The following ZNF33A variants were observed in gnomAD, a reference collection of about 807,000 sequenced individuals.
ZNF33A encodes brain my041 protein.
In ZNF33A, 9 loss-of-function variants were observed where a neutral mutation model predicts 15.9. The observed-to-expected ratio is 0.57, with a 90% CI of 0.34 to 0.99. The LOEUF (loss-of-function observed/expected upper bound fraction) is 0.99. Among genes scored for constraint, ZNF33A ranks in the 50% least tolerant of loss-of-function variants. ZNF33A has a pLI of 0.02. For synonymous variants in ZNF33A, 294 were observed against 324.2 expected, an observed-to-expected ratio of 0.91 and a Z score of 1.00; for missense variants, 843 against 941.6, an observed-to-expected ratio of 0.90 and a Z score of 1.37.
chr10:38,015,871 T>C (rs1280351532), intron 2 of ZNF33A: 4 of 544,356 alleles, frequency 7.3e-6, no homozygotes, highest in African/African-American at 1.9e-5. Context: ...GTTTTGTCCT[T>C]TGTCGTTCTC....
rs147330965 is a variant in ZNF33A at position 38,054,931 on chromosome 10, G to A, written c.807G>A (p.Pro269=). Residue 269 remains proline, a synonymous_variant, in exon 5 of 5, where the codon CCG becomes CCA. Transcript: ENST00000432900. The part of the protein sequence containing the change: ...SSSLLFHQIS[P]SRDNHYEFSD... The stretch of plus-strand genomic sequence containing the variant: ...CCCTCTTGTTCCATCAGATATCTCC[G>A]TCAAGGGACAATCACTATGAATTTA... 7,951 of 1,613,934 alleles carry A rather than the reference G, an allele frequency of 4.9e-3. 29 individuals are homozygous for A. Among genetic ancestry groups the A allele is most frequent in the Non-Finnish European group, 6.2e-3 (7,298 of 1,179,972 alleles).
chr10:38,016,128 A>C (rs1414563774), intron 2 of ZNF33A: 1 of 693,474 alleles, frequency 1.4e-6, no homozygotes, highest in African/African-American at 1.9e-5. Flanking sequence ...TAGAACCCAG[A>C]ATATGTATTG....
chr10:38,064,235 C>T (rs1182451413), downstream of ZNF33A: 1 of 888,638 alleles, frequency 1.1e-6, no homozygotes, highest in Non-Finnish European at 1.8e-6. Context: ...GTGGTCACAT[C>T]TCCAACACTA....
chr10:38,011,157 A>G (rs1172354318), intron 1 of ZNF33A, among the ~76,000 whole-genome samples: 1 of 152,236 alleles, frequency 6.6e-6, no homozygotes, highest in African/African-American at 2.4e-5. Flanking sequence ...CCAGACCGGC[A>G]GACTCGGTTG....
At chr10:38,027,549 G>T (rs1447135433) in intron 4 of ZNF33A, among the ~76,000 whole-genome samples, 1 of 151,380 alleles carries the variant, frequency 6.6e-6, no homozygotes, top group Non-Finnish European at 1.5e-5. Context: ...GGTGGAAACG[G>T]CATGTTGCTC....
At position 38,056,677 on chromosome 10, in the gene ZNF33A, G is replaced by T. The variant is rs577175121; in HGVS notation, c.*117G>T. On this transcript the variant is annotated 3_prime_UTR_variant, in exon 5 of 5. Coordinates refer to ENST00000432900, the MANE Select transcript of ZNF33A (RefSeq NM_006954.2). ...GTGATATTCTATGTAATATCAGATGGTTAATACGGGCATAACACCTTACAG... is the reference window on the plus strand; with the variant it reads ...GTGATATTCTATGTAATATCAGATGTTTAATACGGGCATAACACCTTACAG... The T allele has an allele frequency of 7.2e-7, 1 of 1,385,026 alleles. No individual in the cohort carries two copies. The highest frequency in any genetic ancestry group is 9.3e-7 in the Non-Finnish European group (1 of 1,073,210). 85.8% of individuals were successfully genotyped at this position (1,385,026 alleles called of 1,614,324 possible).
chr10:38,039,854 G>T (rs2065617574), intron 4 of ZNF33A, among the ~76,000 whole-genome samples: 1 of 150,922 alleles, frequency 6.6e-6, no homozygotes, highest in African/African-American at 2.4e-5. Flanking sequence ...TTGTTTTTCT[G>T]TTCTCTAGTT....
rs757164606 is a variant in ZNF33A, at chr10:38,055,409, A to G, written c.1285A>G (p.Thr429Ala). 6.2e-7 allele frequency: 1 copy of G among 1,614,104 alleles called. No homozygotes were observed. Among genetic ancestry groups the G allele is most frequent in the South Asian group, 1.1e-5 (1 of 91,084 alleles). ...GKTFCQKSDL[T>A]KHQRTHTGLK... ...AACTTTTTGCCAGAAATCTGACCTC[A>G]CTAAACATCAGAGAACACACACAGG... The change falls in exon 5 of 5, where the codon ACT (threonine) becomes GCT (alanine). Residue 429 changes from threonine to alanine, a missense_variant. Physicochemically the swap from Thr to Ala is moderately conservative, Grantham distance 58. Coordinates refer to ENST00000432900, the MANE Select transcript of ZNF33A (RefSeq NM_006954.2).
chr10:38,049,598 A>T (rs999043446), intron 4 of ZNF33A, among the ~76,000 whole-genome samples: 1 of 152,164 alleles, frequency 6.6e-6, no homozygotes, highest in Non-Finnish European at 1.5e-5. Context: ...GTATTTATGT[A>T]TATGTATATA....
downstream of ZNF33A, among the ~76,000 whole-genome samples, chr10:38,062,301 CCTAGT>C (rs1232667937): frequency 1.3e-5 from 2 of 152,144 alleles, no homozygotes; most frequent in African/African-American, 4.8e-5. Flanking sequence ...TTATAAATGA[CCTAGT>C]CTCAGGTGGT....
intron 4 of ZNF33A, among the ~76,000 whole-genome samples, chr10:38,028,470 A>AC (rs2065074423): frequency 7.3e-6 from 1 of 136,926 alleles, no homozygotes; most frequent in Non-Finnish European, 1.6e-5. Context: ...TGTTTTGTTG[A>AC]TTTTTTTTTT....
chr10:38,033,168 G>T (rs548317405), intron 4 of ZNF33A, among the ~76,000 whole-genome samples: 6 of 152,162 alleles, frequency 3.9e-5, no homozygotes, highest in East Asian at 1.9e-4. Context: ...TCTGCTGTGT[G>T]GAGTTGCCTA....
At chr10:38,053,859 G>C (rs896387812) in intron 4 of ZNF33A, among the ~76,000 whole-genome samples, 3 of 152,148 alleles carry the variant, frequency 2.0e-5, no homozygotes, top group African/African-American at 7.2e-5. Context: ...TGGGCTGTGT[G>C]TCTCCTCTAT....
chr10:38,034,515 T>C (rs2065353550), intron 4 of ZNF33A, among the ~76,000 whole-genome samples: 1 of 152,212 alleles, frequency 6.6e-6, no homozygotes. Context: ...TTTGTCACAT[T>C]ATATCAAGCA....
At chr10:38,064,335 A>G, downstream of ZNF33A, 5 of 509,948 alleles carry the variant, frequency 9.8e-6, no homozygotes, top group Non-Finnish European at 1.7e-5. Flanking sequence ...GCACTGAGGA[A>G]GTGCACTGGC....
Position 38,015,903 on chromosome 10 carries a change from G to A in ZNF33A, c.10-968G>A, listed in dbSNP as rs2064430847. 7.3e-6 allele frequency: 7 copies of A among 954,806 alleles called. No individual in the cohort carries two copies. The South Asian group carries it at 3.2e-4, about 44-fold the overall frequency. 59.1% of individuals were successfully genotyped at this position (954,806 alleles called of 1,614,324 possible). On this transcript the variant is annotated intron_variant, in intron 2 of 4. Transcript: ENST00000432900. ...TCTCAGTAGAATTGGTTCTGTAAAC[G>A]AAACCTGGTCCTGTAATTTCAGTAT...
intron 4 of ZNF33A, among the ~76,000 whole-genome samples, chr10:38,047,395 C>T (rs943112066): frequency 4.0e-5 from 6 of 151,358 alleles, no homozygotes; most frequent in African/African-American, 1.2e-4. Context: ...TTTGGGAGGC[C>T]AAGGCCTGTG....
chr10:38,055,429 C>T lies in ZNF33A; in HGVS notation c.1305C>T (p.His435=), dbSNP rs2066423918. The T allele has an allele frequency of 6.2e-7, 1 of 1,614,068 alleles. No individual in the cohort carries two copies. Among genetic ancestry groups the T allele is most frequent in the Admixed American group, 1.7e-5 (1 of 60,004 alleles). ...KSDLTKHQRT[H]TGLKPYECYE... is the part of the protein sequence containing the mutation. ...ACCTCACTAAACATCAGAGAACACACACAGGGCTGAAACCCTATGAATGTT... is the reference window on the plus strand; with the variant it reads ...ACCTCACTAAACATCAGAGAACACATACAGGGCTGAAACCCTATGAATGTT... Residue 435 remains histidine (H), a synonymous_variant, in exon 5 of 5, where the codon CAC becomes CAT. Coordinates refer to ENST00000432900, the MANE Select transcript of ZNF33A (RefSeq NM_006954.2).
chr10:38,016,014 A>G (rs1033484366), intron 2 of ZNF33A: 4 of 1,231,502 alleles, frequency 3.2e-6, no homozygotes, highest in African/African-American at 1.6e-5. Context: ...GAACAATCCA[A>G]TTGGATGTCT....
Sources: allele counts gnomAD v4.1 joint callset (sites outside exome capture counted in the v4.1 genomes callset), GRCh38; gene constraint gnomAD v4.1.1; transcripts MANE v1.5; gene names NCBI Gene and HGNC (gene_info 2026-07-23, HGNC 2026-07-21).